Variants in ACAD10 observed in about 807,000 individuals in gnomAD.
The protein encoded by ACAD10 is acyl-CoA dehydrogenase family member 10.
Under a neutral mutation model 116.8 loss-of-function variants are expected in ACAD10, and 112 were observed. The observed-to-expected ratio is 0.96, with a 90% CI of 0.82 to 1.12. The LOEUF (loss-of-function observed/expected upper bound fraction) is 1.12, where lower values mean the gene tolerates loss of function less well. Among genes scored for constraint, ACAD10 ranks in the 50% most tolerant of loss-of-function variants. ACAD10 has a pLI of 0.00. For missense variants in ACAD10, 1,259 were observed against 1,350.2 expected (o/e 0.93, Z 1.06); for synonymous variants, 486 against 510.6 (o/e 0.95, Z 0.65).
chr12:111,693,070 A>AT (rs140116729), intron 2 of ACAD10, 174 bp downstream of exon 2: 13,363 of 643,496 alleles, frequency 0.021, 172 homozygotes, highest in Admixed American at 0.029. Context: ...TGGGCGCATG[A>AT]TTCAGCTTCT....
intron 2 of ACAD10, among the ~76,000 whole-genome samples, chr12:111,698,385 C>T (rs558068804): frequency 6.8e-5 from 10 of 146,746 alleles, no homozygotes; most frequent in Non-Finnish European, 1.2e-4. Flanking sequence ...GTGATTCTCC[C>T]GCCTCCTGAG....
chr12:111,706,282 C>T (rs767604709), intron 4 of ACAD10, among the ~76,000 whole-genome samples: 5 of 152,090 alleles, frequency 3.3e-5, no homozygotes, highest in African/African-American at 9.7e-5. Context: ...ATTTCTGTGA[C>T]GTTAGTTCCT....
At position 111,728,157 on chromosome 12, in the gene ACAD10, C is replaced by T; in HGVS notation, c.1243+14C>T. 6.3e-7 allele frequency: 1 copy of T among 1,582,920 alleles called. No individual in the cohort carries two copies. Among genetic ancestry groups the T allele is most frequent in the South Asian group, 1.2e-5 (1 of 86,150 alleles). On this transcript the variant is annotated intron_variant, in intron 9 of 20. Coordinates refer to ENST00000313698, the MANE Select transcript of ACAD10 (RefSeq NM_025247.6). ...ATGGGAAGCAAGGTGAGCAGGAGGC[C>T]ACGTCTCCCATGCTGGTTGTTTCAT...
At chr12:111,733,877 C>G (rs74669905) in intron 10 of ACAD10, 46 bp from the exon 11 acceptor site, 14 of 1,611,838 alleles carry the variant, frequency 8.7e-6, no homozygotes, top group Non-Finnish European at 1.2e-5. Flanking sequence ...CCACCCTAGC[C>G]GGCAGTTTTC....
chr12:111,709,114 T>C (rs772054279), intron 4 of ACAD10, among the ~76,000 whole-genome samples: 1 of 152,202 alleles, frequency 6.6e-6, no homozygotes, highest in Non-Finnish European at 1.5e-5. Context: ...CTGCTCTGTT[T>C]AGCCCCAAGA....
chr12:111,751,699 C>CT (rs1440274783), intron 18 of ACAD10, among the ~76,000 whole-genome samples: 1 of 151,166 alleles, frequency 6.6e-6, no homozygotes, highest in Admixed American at 6.6e-5. Context: ...CCACTGCACT[C>CT]TAGCCGGAGT....
intron 11 of ACAD10, among the ~76,000 whole-genome samples, chr12:111,734,634 AAAAC>A (rs980359303): frequency 6.6e-6 from 1 of 152,208 alleles, no homozygotes; most frequent in Non-Finnish European, 1.5e-5. Flanking sequence ...AAAAAAAACA[AAAAC>A]AAACCACATT....
chr12:111,718,021 A>C (rs1888893460), intron 7 of ACAD10, among the ~76,000 whole-genome samples: 1 of 130,580 alleles, frequency 7.7e-6, no homozygotes, highest in South Asian at 2.5e-4. Flanking sequence ...TATACGTAGG[A>C]TCTATAGTGA....
Position 111,729,838 on chromosome 12 carries a change from G to T in ACAD10, c.1276G>T (p.Val426Phe), listed in dbSNP as rs775499829. 6.2e-7 allele frequency: 1 copy of T among 1,614,160 alleles called. No homozygotes were observed. The highest frequency in any genetic ancestry group is 8.5e-7 in the Non-Finnish European group (1 of 1,180,022). Reference protein sequence around the residue: ...DYIPRQVRTWVKQYRASETST... With the variant: ...DYIPRQVRTWFKQYRASETST... ...TATTCCACGCCAGGTACGAACCTGG[G>T]TTAAGCAGTATCGAGCTTCCGAAAC... The change falls in exon 10 of 21, where the codon GTT becomes TTT. Residue 426 changes from valine (V) to phenylalanine (F), a missense_variant. Physicochemically the swap from Val to Phe is conservative, Grantham distance 50 (BLOSUM62 -1). Transcript: ENST00000313698.
At chr12:111,748,520 C>G (rs746485860) in intron 17 of ACAD10, 45 bp downstream of exon 17, 4 of 1,605,858 alleles carry the variant, frequency 2.5e-6, no homozygotes, top group South Asian at 2.2e-5. Flanking sequence ...GGGTCTGGTC[C>G]CCAGGAAACA....
Position 111,756,783 on chromosome 12 carries a change from C to G in ACAD10, c.*310C>G. On this transcript the variant is annotated 3_prime_UTR_variant, in exon 21 of 21. Transcript: ENST00000313698. ...GGCAGGCACGGTCACTTCACTTCAG[C>G]CTTTCAGTCCCTCTCTCTCTGCCTG... 1 of 524,032 alleles carries G rather than the reference C, an allele frequency of 1.9e-6. No individual in the cohort carries two copies. Among genetic ancestry groups the G allele is most frequent in the Non-Finnish European group, 3.7e-6 (1 of 271,974 alleles). 32.5% of individuals were successfully genotyped at this position (524,032 alleles called of 1,614,324 possible).
chr12:111,728,294 T>C (rs1046317279), intron 9 of ACAD10, 151 bp downstream of exon 9: 4 of 752,846 alleles, frequency 5.3e-6, no homozygotes, highest in Non-Finnish European at 7.9e-6. Context: ...TTAGTTTTAA[T>C]GGAGGTGTTG....
chr12:111,722,216 T>C (rs972634441), intron 8 of ACAD10, among the ~76,000 whole-genome samples: 11 of 152,046 alleles, frequency 7.2e-5, no homozygotes, highest in Non-Finnish European at 1.3e-4. Context: ...TGCCCCCTAC[T>C]ATGCCCAGCT....
chr12:111,736,486 C>A (rs1053776605), intron 11 of ACAD10, among the ~76,000 whole-genome samples: 1 of 152,166 alleles, frequency 6.6e-6, no homozygotes, highest in Non-Finnish European at 1.5e-5. Flanking sequence ...CCACTGTGCT[C>A]GACCTGAGAT....
Position 111,753,916 on chromosome 12 carries a change from G to A in ACAD10, c.2961+1G>A, listed in dbSNP as rs1235029406. The A allele has an allele frequency of 1.2e-6, 2 of 1,602,216 alleles. No individual in the cohort carries two copies. Among genetic ancestry groups the A allele is most frequent in the South Asian group, 2.2e-5 (2 of 90,430 alleles). On this transcript the variant is annotated splice_donor_variant, in intron 19 of 20. Transcript: ENST00000313698. LOFTEE classifies it high-confidence loss of function. ...CCTCATGGACCTGGCAGGAAACAAG[G>A]TAGGGGCAGGGGCACGAGGGGGCCT...
intron 5 of ACAD10, chr12:111,710,486 G>A (rs1420104884): frequency 4.1e-6 from 1 of 245,640 alleles, no homozygotes; most frequent in East Asian, 1.8e-4. Context: ...GGCACAAGAG[G>A]GTATTGTGAA....
In ACAD10 at chr12:111,712,478, C is replaced by T. The variant is rs1178920523; in HGVS notation, c.691-20C>T. ...AACAACAACAAAAAATATACATCTACATATTCTCTCTGAAACCAGGTTAAT... is the reference window on the plus strand; with the variant it reads ...AACAACAACAAAAAATATACATCTATATATTCTCTCTGAAACCAGGTTAAT... On this transcript the variant is annotated intron_variant, in intron 5 of 20. Transcript: ENST00000313698. 2.5e-6 allele frequency: 4 copies of T among 1,605,020 alleles called. No individual in the cohort carries two copies. The highest frequency in any genetic ancestry group is 3.4e-6 in the Non-Finnish European group (4 of 1,175,186).
chr12:111,721,375 C>G (rs1889007592), intron 7 of ACAD10, among the ~76,000 whole-genome samples: 1 of 152,136 alleles, frequency 6.6e-6, no homozygotes, highest in Non-Finnish European at 1.5e-5. Context: ...TGAGAACAGC[C>G]TGGCCAACAT....
At chr12:111,745,991 C>T (rs1041142394) in intron 13 of ACAD10, among the ~76,000 whole-genome samples, 153 bp from the exon 14 acceptor site, 7 of 151,920 alleles carry the variant, frequency 4.6e-5, no homozygotes, top group Non-Finnish European at 7.4e-5. Context: ...ACAGGCACAG[C>T]CACCATGCCC....
Sources: gnomAD v4.1 joint callset for allele counts (sites outside exome capture counted in the v4.1 genomes callset) on GRCh38, gnomAD v4.1.1 for gene constraint, MANE v1.5 for transcripts, NCBI Gene and HGNC (gene_info 2026-07-23, HGNC 2026-07-21) for gene names.